EML4: variants seen among roughly 807,000 people sequenced by gnomAD.
The protein encoded by EML4 is EMAP like 4.
A neutral mutation model predicts 129.0 loss-of-function variants in EML4; 72 were observed. That is an observed-to-expected ratio of 0.56 (90% CI 0.46 to 0.68). The LOEUF (loss-of-function observed/expected upper bound fraction) is 0.68, where lower values mean the gene tolerates loss of function less well. Ranked by LOEUF, EML4 falls within the 30% of genes least tolerant of loss-of-function variation. The pLI is 0.00. For synonymous variants in EML4, 532 were observed against 405.0 expected, an observed-to-expected ratio of 1.31 and a Z score of -3.77; for missense variants, 1,363 against 1,190.6, an observed-to-expected ratio of 1.14 and a Z score of -2.13.
chr2:42,231,797 A>C (rs1674362386), intron 1 of EML4, among the ~76,000 whole-genome samples: 1 of 152,122 alleles, frequency 6.6e-6, no homozygotes, highest in Non-Finnish European at 1.5e-5. Flanking sequence ...AATATACAGA[A>C]AATTAGCCAG....
chr2:42,279,734 A>G (rs752642553), intron 6 of EML4, among the ~76,000 whole-genome samples: 18 of 151,842 alleles, frequency 1.2e-4, no homozygotes, highest in Non-Finnish European at 2.4e-4. Flanking sequence ...TCAGCCTCCC[A>G]AAGTGCTGGA....
At chr2:42,325,637 T>TATATATATATGC (rs1553397129) in intron 20 of EML4, 83 bp downstream of exon 20, 4 of 204,854 alleles carry the variant, frequency 2.0e-5, no homozygotes, top group Non-Finnish European at 3.6e-5. Flanking sequence ...TATATATATA[T>TATATATATATGC]ATGCTAAGAT....
At position 42,181,559 on chromosome 2, in the gene EML4, G is replaced by A. The variant is rs1670943451; in HGVS notation, c.25+11923G>A. 2.0e-5 allele frequency among the ~76,000 whole-genome samples: 3 copies of A among 152,246 alleles called. No individual in the cohort carries two copies. The South Asian group carries it at 6.2e-4, about 32-fold the overall frequency. ...AAATGACCTACCTCAGCCTCCCAAA[G>A]TGCTGGGATTACAGGTGTGAGCCAC... On this transcript the variant is annotated intron_variant, in intron 1 of 22. Transcript: ENST00000318522.
At chr2:42,249,465 G>A (rs17029390) in intron 2 of EML4, among the ~76,000 whole-genome samples, 1,864 of 152,150 alleles carry the variant, frequency 0.012, 38 homozygotes, top group African/African-American at 0.043. Context: ...TGAAGCTGTG[G>A]TTCAAAGGAC....
At chr2:42,279,982 A>G (rs1417985396) in intron 6 of EML4, among the ~76,000 whole-genome samples, 1 of 152,098 alleles carries the variant, frequency 6.6e-6, no homozygotes, top group Non-Finnish European at 1.5e-5. Context: ...TTAACTATTG[A>G]GTTCCTTATA....
rs1054264444 is a variant in EML4 at position 42,331,121 on chromosome 2, G to C, written c.*914G>C. 4 of 217,890 alleles carry C rather than the reference G, an allele frequency of 1.8e-5. No homozygotes were observed. In the East Asian group the frequency reaches 2.7e-4, roughly 15 times the overall value. The allele number at this position is 217,890 out of a possible 1,614,324, so 13.5% of individuals were successfully genotyped here. On this transcript the variant is annotated 3_prime_UTR_variant, in exon 23 of 23. Coordinates refer to ENST00000318522, the MANE Select transcript of EML4 (RefSeq NM_019063.5). ...TCATAATTTGTTCCCTCAGTAATAG[G>C]AGAAATATAAATACAGTAAGTTTAG...
rs775759633 is a variant in EML4 at position 42,315,956 on chromosome 2, T to C, written c.1968-6T>C. ...GAAGAAAATTTTGATTTTTACTTCTTAACAGGTGGTTTGTTCTGGATGCAG... is the reference window on the plus strand; with the variant it reads ...GAAGAAAATTTTGATTTTTACTTCTCAACAGGTGGTTTGTTCTGGATGCAG... On this transcript the variant is annotated splice_polypyrimidine_tract_variant and splice_region_variant and intron_variant, in intron 17 of 22. Transcript: ENST00000318522. 12 of 1,604,532 alleles carry C rather than the reference T, an allele frequency of 7.5e-6. No individual in the cohort carries two copies. Among genetic ancestry groups the C allele is most frequent in the Non-Finnish European group, 3.4e-6 (4 of 1,175,026 alleles).
intron 7 of EML4, among the ~76,000 whole-genome samples, chr2:42,281,783 C>G (rs1188417205): frequency 1.3e-5 from 2 of 152,284 alleles, no homozygotes; most frequent in Non-Finnish European, 2.9e-5. Context: ...TTCCTAATTT[C>G]ACCTAGAAAT....
chr2:42,238,764 C>G (rs115998930), intron 1 of EML4, among the ~76,000 whole-genome samples: 113 of 152,214 alleles, frequency 7.4e-4, no homozygotes, highest in African/African-American at 2.4e-3. Context: ...GCCACCACAC[C>G]TGGCTAACTT....
intron 17 of EML4, among the ~76,000 whole-genome samples, chr2:42,309,053 A>G (rs1339225792): frequency 1.3e-5 from 2 of 152,124 alleles, no homozygotes; most frequent in African/African-American, 2.4e-5. Context: ...TAGAGTGGAT[A>G]TGTGTTTTCA....
At chr2:42,184,652 C>T (rs1671142600) in intron 1 of EML4, among the ~76,000 whole-genome samples, 3 of 152,112 alleles carry the variant, frequency 2.0e-5, no homozygotes, top group South Asian at 4.2e-4. Context: ...CTTTCTCTTA[C>T]TAATTCCTGT....
intron 1 of EML4, among the ~76,000 whole-genome samples, chr2:42,201,032 A>G (rs1026021488): frequency 6.6e-6 from 1 of 152,196 alleles, no homozygotes; most frequent in South Asian, 2.1e-4. Context: ...TGACAGAAGT[A>G]TAGTACTTTT....
chr2:42,314,556 G>GT (rs551296353), intron 17 of EML4, among the ~76,000 whole-genome samples: 50 of 152,260 alleles, frequency 3.3e-4, no homozygotes, highest in Middle Eastern at 3.4e-3. Flanking sequence ...GTCTTGTCCT[G>GT]TTTTTTCCAT....
intron 4 of EML4, chr2:42,261,496 G>GTAA: frequency 1.3e-5 from 3 of 229,220 alleles, no homozygotes; most frequent in Non-Finnish European, 2.2e-5. Context: ...AGTTAAAACT[G>GTAA]GAAAAAAAAA....
chr2:42,186,009 A>C (rs1671230252), intron 1 of EML4, among the ~76,000 whole-genome samples: 1 of 152,200 alleles, frequency 6.6e-6, no homozygotes, highest in African/African-American at 2.4e-5. Flanking sequence ...AGTAACTCTG[A>C]AAGGTCATTA....
intron 1 of EML4, among the ~76,000 whole-genome samples, chr2:42,228,919 G>A (rs1003942779): frequency 6.6e-6 from 1 of 152,100 alleles, no homozygotes; most frequent in Non-Finnish European, 1.5e-5. Context: ...ATATATCTTT[G>A]TGTTGTTTTC....
intron 1 of EML4, among the ~76,000 whole-genome samples, chr2:42,207,358 A>G (rs1223736930): frequency 1.3e-5 from 2 of 152,220 alleles, no homozygotes; most frequent in Non-Finnish European, 2.9e-5. Context: ...GAATGTAACT[A>G]GTACCTTAAG....
intron 1 of EML4, among the ~76,000 whole-genome samples, chr2:42,242,310 T>C (rs1558532313): frequency 6.6e-6 from 1 of 152,196 alleles, no homozygotes; most frequent in Non-Finnish European, 1.5e-5. Context: ...AATATATCCA[T>C]ATAGTTTACT....
At chr2:42,219,341 G>A (rs1373550819) in intron 1 of EML4, among the ~76,000 whole-genome samples, 2 of 152,076 alleles carry the variant, frequency 1.3e-5, no homozygotes, top group East Asian at 3.9e-4. Flanking sequence ...TTGTATATGT[G>A]GATTGTGCAG....
Sources: gnomAD v4.1 joint callset for allele counts (sites outside exome capture counted in the v4.1 genomes callset) on GRCh38, gnomAD v4.1.1 for gene constraint, MANE v1.5 for transcripts, NCBI Gene and HGNC (gene_info 2026-07-23, HGNC 2026-07-21) for gene names.